Variants in SNX29 observed in about 807,000 individuals in gnomAD.
SNX29 encodes sorting nexin-29.
SNX29 carries 78 observed loss-of-function variants against 102.1 expected under a neutral mutation model. The ratio of observed to expected loss-of-function variants is 0.76; its 90% CI spans 0.64 to 0.92. The LOEUF is 0.92. SNX29 is among the 40% of genes least tolerant of loss of function. The pLI, the probability that SNX29 is intolerant of heterozygous loss-of-function variation, is 0.00. For synonymous variants in SNX29, 580 were observed against 414.5 expected, an observed-to-expected ratio of 1.40 and a Z score of -4.85; for missense variants, 1,280 against 1,061.7, an observed-to-expected ratio of 1.21 and a Z score of -2.86.
chr16:12,056,236 A>G (rs1285873074), intron 8 of SNX29, among the ~76,000 whole-genome samples: 1 of 152,144 alleles, frequency 6.6e-6, no homozygotes, highest in Non-Finnish European at 1.5e-5. Flanking sequence ...TGCTGATGCC[A>G]CTGAGTGTAG....
intron 3 of SNX29, among the ~76,000 whole-genome samples, chr16:12,007,468 G>T (rs2151040219): frequency 6.6e-6 from 1 of 152,344 alleles, no homozygotes; most frequent in African/African-American, 2.4e-5. Context: ...TCACACCGTT[G>T]CAATGCAGCC....
chr16:12,498,415 T>A (rs2088938837), intron 19 of SNX29, among the ~76,000 whole-genome samples: 1 of 145,772 alleles, frequency 6.9e-6, no homozygotes, highest in South Asian at 2.2e-4. Flanking sequence ...AAAAAAATGC[T>A]TGCTTGGGAA....
chr16:12,151,945 G>C (rs2055320553), intron 13 of SNX29, among the ~76,000 whole-genome samples: 1 of 152,188 alleles, frequency 6.6e-6, no homozygotes, highest in Non-Finnish European at 1.5e-5. Context: ...CTGTTGGCCA[G>C]ACTAGTCTGA....
chr16:12,395,617 A>G (rs1025879142), intron 16 of SNX29, among the ~76,000 whole-genome samples: 1 of 152,160 alleles, frequency 6.6e-6, no homozygotes, highest in African/African-American at 2.4e-5. Flanking sequence ...AGAGATAGCC[A>G]TGTTGCTGAT....
At chr16:12,510,058 T>C (rs906803783) in intron 19 of SNX29, among the ~76,000 whole-genome samples, 3 of 152,264 alleles carry the variant, frequency 2.0e-5, no homozygotes, top group South Asian at 4.1e-4. Flanking sequence ...GCTCCAGCCA[T>C]GTGACAGTGC....
chr16:12,088,226 T>G (rs1367238016), intron 11 of SNX29: 1 of 416,502 alleles, frequency 2.4e-6, no homozygotes, highest in East Asian at 7.1e-5. Context: ...TCTGGTCAGC[T>G]GATCCAGCAC....
At chr16:12,388,645 AT>A (rs2083418718) in intron 16 of SNX29, among the ~76,000 whole-genome samples, 1 of 152,186 alleles carries the variant, frequency 6.6e-6, no homozygotes, top group Non-Finnish European at 1.5e-5. Flanking sequence ...GTCATAGATG[AT>A]ACATAACTGG....
intron 14 of SNX29, among the ~76,000 whole-genome samples, chr16:12,201,176 G>T (rs2076905932): frequency 6.6e-6 from 1 of 152,202 alleles, no homozygotes; most frequent in African/African-American, 2.4e-5. Context: ...AGTTATCAGT[G>T]CAGAATTAAT....
At position 12,137,472 on chromosome 16, in the gene SNX29, G is replaced by A. The variant is rs145001137; in HGVS notation, c.1595+7714G>A. On this transcript the variant is annotated intron_variant, in intron 13 of 20. Transcript: ENST00000566228. Reference sequence around the variant, plus strand: ...TTTGTTTATTTGTCCCTGCTGGGCTGCTGAGCAGTGAGAACTTCCTTGACA... The same window carrying A: ...TTTGTTTATTTGTCCCTGCTGGGCTACTGAGCAGTGAGAACTTCCTTGACA... Among the ~76,000 whole-genome samples the A allele has an allele frequency of 2.4e-3, 369 of 152,270 alleles. 1 individual carries two copies. The highest frequency in any genetic ancestry group is 8.7e-3 in the African/African-American group (360 of 41,540).
At chr16:12,342,843 G>A (rs116980490) in intron 15 of SNX29, among the ~76,000 whole-genome samples, 1 of 152,192 alleles carries the variant, frequency 6.6e-6, no homozygotes, top group Non-Finnish European at 1.5e-5. Flanking sequence ...TTTGAGCACA[G>A]TCTTCCCTCT....
At chr16:12,539,334 A>G (rs1218444284) in intron 20 of SNX29, among the ~76,000 whole-genome samples, 1 of 152,010 alleles carries the variant, frequency 6.6e-6, no homozygotes, top group Admixed American at 6.6e-5. Flanking sequence ...CTTTTCAAGA[A>G]TGTCACATAA....
At chr16:12,014,155 G>T (rs1454741114) in intron 3 of SNX29, among the ~76,000 whole-genome samples, 47 of 152,114 alleles carry the variant, frequency 3.1e-4, no homozygotes, top group African/African-American at 1.1e-3. Context: ...CTCAGGCTGT[G>T]GACTTTGACC....
chr16:12,449,544 A>T (rs1597417390), intron 18 of SNX29, among the ~76,000 whole-genome samples: 1 of 152,322 alleles, frequency 6.6e-6, no homozygotes, highest in East Asian at 1.9e-4. Context: ...TCTGTAAGTC[A>T]GTAGTCTTGG....
At chr16:12,510,324 G>A (rs914620322) in intron 19 of SNX29, among the ~76,000 whole-genome samples, 2 of 152,200 alleles carry the variant, frequency 1.3e-5, no homozygotes, top group African/African-American at 2.4e-5. Context: ...GGACCGTGGA[G>A]GCCCTGGCAG....
chr16:12,537,413 A>G (rs114103404), intron 20 of SNX29, among the ~76,000 whole-genome samples: 1 of 152,232 alleles, frequency 6.6e-6, no homozygotes, highest in Non-Finnish European at 1.5e-5. Context: ...CCTGGGCTCA[A>G]ATTCCAGCTC....
At chr16:12,370,861 A>T (rs2082656849) in intron 16 of SNX29, among the ~76,000 whole-genome samples, 1 of 152,166 alleles carries the variant, frequency 6.6e-6, no homozygotes, top group African/African-American at 2.4e-5. Flanking sequence ...AGATGGGAAT[A>T]GATATGTTTT....
rs1249788549 is a variant in SNX29, at chr16:12,569,361, G to T, written c.*732G>T. 1.7e-5 allele frequency: 4 copies of T among 230,304 alleles called. No homozygotes were observed. The highest frequency in any genetic ancestry group is 4.4e-5 in the African/African-American group (2 of 45,156). 14.3% of individuals were successfully genotyped at this position (230,304 alleles called of 1,614,324 possible). A position where few individuals can be genotyped will look rare whatever the true frequency, so the allele number is the denominator to read the frequency against. Reference sequence around the variant, plus strand: ...GCCACCTAGGCCCTCGCCAGGCTTGGAGTGGGGGGACTCAGACATCTGGCC... The same window carrying T: ...GCCACCTAGGCCCTCGCCAGGCTTGTAGTGGGGGGACTCAGACATCTGGCC... On this transcript the variant is annotated 3_prime_UTR_variant, in exon 21 of 21. Transcript: ENST00000566228.
intron 14 of SNX29, among the ~76,000 whole-genome samples, chr16:12,265,816 G>T (rs998557307): frequency 6.6e-6 from 1 of 152,074 alleles, no homozygotes; most frequent in African/African-American, 2.4e-5. Flanking sequence ...CTGAGCCTGG[G>T]GAGGTCGAGA....
chr16:12,554,354 C>G (rs1320165209), intron 20 of SNX29, among the ~76,000 whole-genome samples: 2 of 145,218 alleles, frequency 1.4e-5, no homozygotes, highest in South Asian at 2.3e-4. Flanking sequence ...TAGCTTTTCC[C>G]TTACCTGTGT....
Sources: allele counts gnomAD v4.1 joint callset (sites outside exome capture counted in the v4.1 genomes callset), GRCh38; gene constraint gnomAD v4.1.1; transcripts MANE v1.5; gene names NCBI Gene and HGNC (gene_info 2026-07-23, HGNC 2026-07-21).